Variants in ZMYM2 observed in about 807,000 individuals in gnomAD.
The protein encoded by ZMYM2 is zinc finger MYM-type protein 2.
In ZMYM2, 56 loss-of-function variants were observed where a neutral mutation model predicts 162.8. The observed-to-expected ratio is 0.34, with a 90% CI of 0.28 to 0.43. The LOEUF (loss-of-function observed/expected upper bound fraction) is 0.43. Ranked by LOEUF, ZMYM2 falls within the 20% of genes least tolerant of loss-of-function variation. The probability of loss-of-function intolerance (pLI) is 1.00; values close to 1 mark genes in which losing one functional copy is unlikely to be tolerated. For missense variants in ZMYM2, 1,275 were observed against 1,621.8 expected, an observed-to-expected ratio of 0.79 and a Z score of 3.67; for synonymous variants, 510 against 541.6, an observed-to-expected ratio of 0.94 and a Z score of 0.81.
chr13:19,953,442 T>G, the ZMYM2 span, among the ~76,000 whole-genome samples: 1 of 152,110 alleles, frequency 6.6e-6, no homozygotes, highest in South Asian at 2.1e-4. Flanking sequence ...CCGAGCACTT[T>G]GGGAGGCTGA....
intron 2 of ZMYM2, among the ~76,000 whole-genome samples, chr13:19,989,152 T>C (rs779783361): frequency 2.0e-5 from 3 of 152,178 alleles, no homozygotes; most frequent in Non-Finnish European, 4.4e-5. Flanking sequence ...AGGGAAAATA[T>C]CGTATATATA....
In ZMYM2 at chr13:20,030,211, C is replaced by T. The variant is rs571738471; in HGVS notation, c.1852-1108C>T. On this transcript the variant is annotated intron_variant, in intron 9 of 24. Transcript: ENST00000610343. ...AGAAGTGATCAATTTTTAAATGTAA[C>T]ATAGGCCGATTTCTTTTCCTCTTTT... 1.7e-3 allele frequency among the ~76,000 whole-genome samples: 259 copies of T among 150,650 alleles called. 1 individual carries two copies. Among genetic ancestry groups the T allele is most frequent in the African/African-American group, 6.0e-3 (245 of 41,162 alleles).
chr13:20,011,572 TG>T (rs1297103483), intron 6 of ZMYM2, among the ~76,000 whole-genome samples: 4 of 149,452 alleles, frequency 2.7e-5, no homozygotes, highest in East Asian at 2.0e-4. Flanking sequence ...TTTATTTTTT[TG>T]TTTTATTTTT....
chr13:19,885,914 TACAC>T, the ZMYM2 span, among the ~76,000 whole-genome samples: 20 of 37,892 alleles, frequency 5.3e-4, 4 homozygotes, highest in African/African-American at 6.8e-4. Flanking sequence ...TATATGTATA[TACAC>T]ATATATATGT....
intron 10 of ZMYM2, among the ~76,000 whole-genome samples, chr13:20,032,619 TTTTTTTTG>T (rs1953291551): frequency 7.4e-6 from 1 of 135,616 alleles, no homozygotes; most frequent in African/African-American, 2.8e-5. Flanking sequence ...TTTTTTTTTT[TTTTTTTTG>T]AGATGGAGTC....
intron 21 of ZMYM2, among the ~76,000 whole-genome samples, chr13:20,079,688 G>A (rs1437367608): frequency 3.9e-5 from 6 of 152,172 alleles, no homozygotes; most frequent in Admixed American, 2.6e-4. Flanking sequence ...AAGAACAGCA[G>A]ATCATTTATC....
the ZMYM2 span, among the ~76,000 whole-genome samples, chr13:19,887,468 G>T: frequency 6.6e-6 from 1 of 151,592 alleles, no homozygotes; most frequent in Non-Finnish European, 1.5e-5. Flanking sequence ...GGCGGAGGTT[G>T]CAGTGAGCCG....
chr13:20,058,651 T>C lies in ZMYM2; in HGVS notation c.2570T>C (p.Met857Thr), dbSNP rs1381051611. Reference sequence around the variant, plus strand: ...GCAGTTCTTTGCAAACCTTTAACAATGACAAAAGCTACTTACTGTAAACCT... The same window carrying C: ...GCAGTTCTTTGCAAACCTTTAACAACGACAAAAGCTACTTACTGTAAACCT... Reference protein sequence around the residue: ...NKAVLCKPLTMTKATYCKPHM... With the variant: ...NKAVLCKPLTTTKATYCKPHM... Residue 857 changes from methionine (M) to threonine (T), a missense_variant, in exon 15 of 25, where the codon ATG becomes ACG. Transcript: ENST00000610343. 3.7e-6 allele frequency: 6 copies of C among 1,613,700 alleles called. No individual in the cohort carries two copies. The highest frequency in any genetic ancestry group is 4.2e-6 in the Non-Finnish European group (5 of 1,179,794).
At chr13:19,870,533 CTT>C in the ZMYM2 span, among the ~76,000 whole-genome samples, 2 of 70,464 alleles carry the variant, frequency 2.8e-5, no homozygotes, top group South Asian at 6.6e-4. Context: ...CTCTTTCTTT[CTT>C]TCTCTTTCTT....
At chr13:19,877,560 C>T in the ZMYM2 span, among the ~76,000 whole-genome samples, 510 of 152,346 alleles carry the variant, frequency 3.3e-3, 1 homozygote, top group South Asian at 0.026. Flanking sequence ...TCTTTCAACA[C>T]TACTACATTG....
At chr13:19,953,682 CAAAAAAAA>C (rs35266783), upstream of ZMYM2, among the ~76,000 whole-genome samples, 1 of 75,282 alleles carries the variant, frequency 1.3e-5, no homozygotes, top group Non-Finnish European at 2.4e-5. Context: ...GACTCTGTCT[CAAAAAAAA>C]AAAAAAAAAA....
the ZMYM2 span, among the ~76,000 whole-genome samples, chr13:19,888,519 GTTATT>G: frequency 1.2e-4 from 18 of 151,822 alleles, 1 homozygote; most frequent in African/African-American, 4.4e-4. Context: ...AAACTGATCT[GTTATT>G]TTATTTTATT....
intron 2 of ZMYM2, among the ~76,000 whole-genome samples, chr13:19,962,075 T>C (rs898559793): frequency 3.9e-5 from 6 of 152,208 alleles, no homozygotes; most frequent in African/African-American, 1.2e-4. Flanking sequence ...GCTGGGCTTT[T>C]GTATCTCATG....
At chr13:19,962,747 C>T (rs1001298204) in intron 2 of ZMYM2, among the ~76,000 whole-genome samples, 3 of 151,196 alleles carry the variant, frequency 2.0e-5, no homozygotes, top group African/African-American at 7.3e-5. Context: ...TGATCTCGAA[C>T]TCCTGGCCTC....
intron 6 of ZMYM2, among the ~76,000 whole-genome samples, chr13:20,017,125 A>T (rs1951695603): frequency 6.6e-6 from 1 of 152,160 alleles, no homozygotes; most frequent in Admixed American, 6.5e-5. Context: ...CACCTCAGTT[A>T]GGGTAGAGGT....
chr13:19,929,039 C>G, the ZMYM2 span, among the ~76,000 whole-genome samples: 3 of 152,034 alleles, frequency 2.0e-5, no homozygotes, highest in African/African-American at 7.3e-5. Flanking sequence ...TATAAAAATG[C>G]GACTGATGTT....
In ZMYM2 at chr13:19,981,298, CAAACA is replaced by C. The variant is rs1275394044; in HGVS notation, c.-10-11761_-10-11757del. On this transcript the variant is annotated intron_variant, in intron 2 of 24. Coordinates refer to ENST00000610343, the MANE Select transcript of ZMYM2 (RefSeq NM_197968.4). Reference sequence around the variant, plus strand: ...AAAAACAGAAAAAACAAAAAACAAACAAACAAAAAAAAAAACAAAAAACAAACCCC... The same window carrying C: ...AAAAACAGAAAAAACAAAAAACAAACAAAAAAAAAACAAAAAACAAACCCC... 1.6e-3 allele frequency among the ~76,000 whole-genome samples: 209 copies of C among 129,844 alleles called. 2 individuals are homozygous for C. Among genetic ancestry groups the C allele is most frequent in the African/African-American group, 6.7e-3 (195 of 29,098 alleles). The allele number at this position is 129,844 out of a possible 152,430, so 85.2% of individuals were successfully genotyped here.
chr13:20,022,363 T>C (rs960921347), intron 7 of ZMYM2, among the ~76,000 whole-genome samples: 33 of 152,246 alleles, frequency 2.2e-4, no homozygotes, highest in Non-Finnish European at 2.2e-4. Context: ...GAATACCTCA[T>C]AAGCGGTGTT....
intron 21 of ZMYM2, among the ~76,000 whole-genome samples, chr13:20,069,195 TC>T (rs1956900788): frequency 6.6e-6 from 1 of 152,168 alleles, no homozygotes; most frequent in East Asian, 1.9e-4. Flanking sequence ...ATATACACAA[TC>T]ATGTCACCTA....
Sources: gnomAD v4.1 joint callset for allele counts (sites outside exome capture counted in the v4.1 genomes callset) on GRCh38, gnomAD v4.1.1 for gene constraint, MANE v1.5 for transcripts, NCBI Gene and HGNC (gene_info 2026-07-23, HGNC 2026-07-21) for gene names.